Variants in ZC3H12B observed in about 807,000 individuals in gnomAD.
The protein encoded by ZC3H12B is zinc finger CCCH-type containing 12B.
A neutral mutation model predicts 43.9 loss-of-function variants in ZC3H12B; 7 were observed. The ratio of observed to expected loss-of-function variants is 0.16; its 90% CI spans 0.09 to 0.30. ZC3H12B has a LOEUF of 0.30. ZC3H12B is among the 10% of genes least tolerant of loss of function. The pLI is 1.00. For synonymous variants in ZC3H12B, 222 were observed against 241.7 expected, an observed-to-expected ratio of 0.92 and a Z score of 0.76; for missense variants, 475 against 670.2, an observed-to-expected ratio of 0.71 and a Z score of 3.22.
the ZC3H12B span, among the ~76,000 whole-genome samples, chrX:65,276,534 G>A: frequency 1.8e-5 from 2 of 111,689 alleles, no homozygotes; most frequent in African/African-American, 3.2e-5. Flanking sequence ...GATAAAGTGA[G>A]ATGATATATT....
the ZC3H12B span, among the ~76,000 whole-genome samples, chrX:65,222,338 A>C: frequency 9.0e-6 from 1 of 110,857 alleles, no homozygotes; most frequent in Non-Finnish European, 1.9e-5. Flanking sequence ...CAGTAGTAGA[A>C]GTCCTAGACA....
At chrX:65,084,089 C>T in the ZC3H12B span, among the ~76,000 whole-genome samples, 1 of 111,617 alleles carries the variant, frequency 9.0e-6, no homozygotes, top group Admixed American at 9.5e-5. Context: ...CCTACTCTTG[C>T]CATATACAAA....
chrX:65,391,540 C>A (rs2066616038), intron 2 of ZC3H12B, among the ~76,000 whole-genome samples: 1 of 111,066 alleles, frequency 9.0e-6, no homozygotes, highest in South Asian at 3.8e-4. Context: ...GGCTATGAGC[C>A]AGTGGGGGAT....
the ZC3H12B span, among the ~76,000 whole-genome samples, chrX:65,051,047 A>G: frequency 1.8e-5 from 2 of 111,341 alleles, no homozygotes; most frequent in Non-Finnish European, 3.8e-5. Flanking sequence ...AGTTACAAGT[A>G]TGTTCAGATT....
chrX:65,234,624 CAAAAGAATAATAAA>C, the ZC3H12B span, among the ~76,000 whole-genome samples: 1 of 111,687 alleles, frequency 9.0e-6, no homozygotes, highest in Non-Finnish European at 1.9e-5. Flanking sequence ...AGGACTCTAC[CAAAAGAATAATAAA>C]AAAAGAAGTC....
At chrX:65,428,964 T>C (rs188646851) in intron 3 of ZC3H12B, among the ~76,000 whole-genome samples, 31 of 112,651 alleles carry the variant, frequency 2.8e-4, no homozygotes, top group African/African-American at 1.0e-3. Context: ...GTTGTTGTTA[T>C]TTTCTGTTTG....
chrX:65,114,916 A>ATTTTTTTTTTTT, the ZC3H12B span, among the ~76,000 whole-genome samples: 3 of 19,323 alleles, frequency 1.6e-4, no homozygotes, highest in Admixed American at 7.9e-4. Context: ...GTGTCTCAGG[A>ATTTTTTTTTTTT]TTTTTTTTTT....
At chrX:65,487,867 TTTTC>T (rs781720417), upstream of ZC3H12B, among the ~76,000 whole-genome samples, 86 of 111,653 alleles carry the variant, frequency 7.7e-4, 1 homozygote, top group East Asian at 0.022. Flanking sequence ...GAGCATGTGC[TTTTC>T]TTTCTTTCTT....
chrX:65,332,659 G>A, the ZC3H12B span, among the ~76,000 whole-genome samples: 2 of 111,229 alleles, frequency 1.8e-5, no homozygotes, highest in Admixed American at 1.9e-4. Flanking sequence ...TGACTGGTTG[G>A]TTCACAGAAA....
At chrX:65,212,822 A>C in the ZC3H12B span, among the ~76,000 whole-genome samples, 1 of 103,771 alleles carries the variant, frequency 9.6e-6, no homozygotes, top group Non-Finnish European at 2.0e-5. Flanking sequence ...TGGTTTGCTC[A>C]ACATTGTATC....
intron 3 of ZC3H12B, among the ~76,000 whole-genome samples, chrX:65,457,666 C>T (rs1378648101): frequency 4.1e-5 from 3 of 72,564 alleles, no homozygotes; most frequent in East Asian, 3.6e-4. Context: ...GGATGGTTGC[C>T]GGGTCTGTGT....
the ZC3H12B span, among the ~76,000 whole-genome samples, chrX:65,236,637 A>C: frequency 9.0e-6 from 1 of 111,530 alleles, no homozygotes; most frequent in Non-Finnish European, 1.9e-5. Flanking sequence ...CTATTTCCTG[A>C]ATGGTATTTC....
intron 3 of ZC3H12B, among the ~76,000 whole-genome samples, chrX:65,401,358 A>G (rs1278710643): frequency 9.0e-6 from 1 of 111,677 alleles, no homozygotes; most frequent in Non-Finnish European, 1.9e-5. Context: ...TACCTGATGC[A>G]TGTCGAGCTA....
At chrX:65,223,023 G>T in the ZC3H12B span, among the ~76,000 whole-genome samples, 1 of 111,753 alleles carries the variant, frequency 8.9e-6, no homozygotes, top group Non-Finnish European at 1.9e-5. Context: ...GCATGGTACT[G>T]GTATAAAAAT....
the ZC3H12B span, among the ~76,000 whole-genome samples, chrX:65,176,390 G>T: frequency 3.6e-5 from 4 of 111,504 alleles, no homozygotes; most frequent in Non-Finnish European, 7.5e-5. Context: ...CCCCAATCAG[G>T]GGCTTATAGA....
intron 3 of ZC3H12B, among the ~76,000 whole-genome samples, chrX:65,402,985 G>T (rs1402304881): frequency 1.8e-5 from 2 of 112,145 alleles, no homozygotes; most frequent in Admixed American, 1.9e-4. Context: ...ACTAAATAAG[G>T]CACCAGGGAT....
chrX:65,436,339 G>C (rs1412319422), intron 3 of ZC3H12B, among the ~76,000 whole-genome samples: 2 of 112,130 alleles, frequency 1.8e-5, no homozygotes, highest in Non-Finnish European at 3.8e-5. Context: ...CAAACCACAA[G>C]GCCCAATGTC....
chrX:65,212,376 G>GTAATATAATTATATTTACATATTA, the ZC3H12B span, among the ~76,000 whole-genome samples: 2 of 43,313 alleles, frequency 4.6e-5, no homozygotes, highest in African/African-American at 1.7e-4. Flanking sequence ...ATTACATATT[G>GTAATATAATTATATTTACATATTA]TATAATATGT....
the ZC3H12B span, among the ~76,000 whole-genome samples, chrX:65,120,438 G>A: frequency 3.6e-5 from 4 of 111,110 alleles, no homozygotes; most frequent in Non-Finnish European, 5.7e-5. Flanking sequence ...TCATGATTTG[G>A]CTCTCTGTTT....
Sources: allele counts gnomAD v4.1 joint callset (sites outside exome capture counted in the v4.1 genomes callset), GRCh38; gene constraint gnomAD v4.1.1; transcripts MANE v1.5; gene names NCBI Gene and HGNC (gene_info 2026-07-23, HGNC 2026-07-21).